TRIOBP: variants seen among roughly 807,000 people sequenced by gnomAD.
The protein encoded by TRIOBP is TRIO and F-actin binding protein, also known as TRIO and F-actin-binding protein.
In TRIOBP, 169 loss-of-function variants were observed where a neutral mutation model predicts 238.8. The ratio of observed to expected loss-of-function variants is 0.71; its 90% CI spans 0.62 to 0.80. The LOEUF is 0.80. Ranked by LOEUF, TRIOBP falls within the 30% of genes least tolerant of loss-of-function variation. The probability of loss-of-function intolerance (pLI) is 0.00; values close to 1 mark genes in which losing one functional copy is unlikely to be tolerated. For missense variants in TRIOBP, 2,838 were observed against 3,122.6 expected (o/e 0.91, Z 2.17); for synonymous variants, 1,150 against 1,274.4 (o/e 0.90, Z 2.08).
rs570647094 is a variant in TRIOBP at position 37,727,071 on chromosome 22, T to A, written c.3947+568T>A. Among the ~76,000 whole-genome samples, 3 of 151,820 alleles carry A rather than the reference T, an allele frequency of 2.0e-5. No individual in the cohort carries two copies. The South Asian group carries it at 6.3e-4, about 32-fold the overall frequency. On this transcript the variant is annotated intron_variant, in intron 7 of 23. Transcript: ENST00000644935. ...ACAGGCACGTGCCACCACACCCGGC[T>A]AATTTTTTTGTATTTTTACTAGAGA...
At chr22:37,740,546 T>C (rs777153167) in intron 10 of TRIOBP, among the ~76,000 whole-genome samples, 3 of 152,072 alleles carry the variant, frequency 2.0e-5, no homozygotes, top group Non-Finnish European at 2.9e-5. Context: ...ACTGGAGATA[T>C]GTATTTATAT....
At position 37,723,907 on chromosome 22, in the gene TRIOBP, C is replaced by G. The variant is rs55898501; in HGVS notation, c.1351C>G (p.Pro451Ala). 6.6e-7 allele frequency: 1 copy of G among 1,506,500 alleles called. No individual in the cohort carries two copies. The highest frequency in any genetic ancestry group is 1.5e-5 in the African/African-American group (1 of 65,914). The allele number at this position is 1,506,500 out of a possible 1,614,324, so 93.3% of individuals were successfully genotyped here. Reference protein sequence around the residue: ...SSPSRATRDNPTTSCAQRDNP... With the variant: ...SSPSRATRDNATTSCAQRDNP... ...TCCCAGTAGAGCTACACGAGACAAC[C>G]CCACAACATCCTGTGCCCAGCGGGA... Residue 451 changes from proline (P) to alanine (A), a missense_variant, in exon 7 of 24, where the codon CCC (proline) becomes GCC (alanine). Transcript: ENST00000644935.
intron 5 of TRIOBP, among the ~76,000 whole-genome samples, chr22:37,713,976 G>C (rs540709933): frequency 6.6e-6 from 1 of 152,204 alleles, no homozygotes; most frequent in Non-Finnish European, 1.5e-5. Context: ...ATGACAGGGG[G>C]TGGTGATAAG....
chr22:37,766,191 G>A lies in TRIOBP; in HGVS notation c.6472+374G>A, dbSNP rs1255261493. Among the ~76,000 whole-genome samples, 39 of 152,210 alleles carry A rather than the reference G, an allele frequency of 2.6e-4. 1 individual carries two copies. Among genetic ancestry groups the A allele is most frequent in the Admixed American group, 2.6e-3 (39 of 15,284 alleles). On this transcript the variant is annotated intron_variant, in intron 18 of 23. Coordinates refer to ENST00000644935, the MANE Select transcript of TRIOBP (RefSeq NM_001039141.3). ...GGAGTGCCTCCTCCCTGGGCACATG[G>A]GCCAGACCCTGGGGAGAGCAGGGGA...
intron 7 of TRIOBP, among the ~76,000 whole-genome samples, chr22:37,729,361 G>A (rs541536967): frequency 1.2e-4 from 19 of 152,058 alleles, no homozygotes; most frequent in African/African-American, 3.1e-4. Flanking sequence ...GACTACAGGC[G>A]TGTACCACTA....
chr22:37,738,812 C>T (rs1213708627), intron 10 of TRIOBP, 93 bp downstream of exon 10: 2 of 1,352,936 alleles, frequency 1.5e-6, no homozygotes, highest in Admixed American at 1.9e-5. Context: ...GCCCTAGAAT[C>T]AACCAGACCA....
chr22:37,734,250 G>C lies in TRIOBP; in HGVS notation c.4063-149G>C, dbSNP rs1924552717. The C allele has an allele frequency of 1.2e-5, 9 of 738,404 alleles. No individual in the cohort carries two copies. In the South Asian group the frequency reaches 1.4e-4, roughly 11 times the overall value. The allele number at this position is 738,404 out of a possible 1,614,324, so 45.7% of individuals were successfully genotyped here. ...AGGGAGGAGCTGACCCCGGAGGGGT[G>C]GGGCAGAGACCCTGTGTACTTTTTG... On this transcript the variant is annotated intron_variant, in intron 8 of 23. Transcript: ENST00000644935.
At chr22:37,712,700 T>G (rs1923312307) in intron 4 of TRIOBP, among the ~76,000 whole-genome samples, 1 of 151,610 alleles carries the variant, frequency 6.6e-6, no homozygotes, top group African/African-American at 2.4e-5. Context: ...CTCACGCCTG[T>G]AATCCCAGCA....
intron 6 of TRIOBP, among the ~76,000 whole-genome samples, chr22:37,720,000 CTTTTTTT>C (rs869261824): frequency 0.03 from 1,612 of 54,364 alleles, 26 homozygotes; most frequent in South Asian, 0.035. Context: ...CCCCCCCGCC[CTTTTTTT>C]TTTTTTTTTT....
Position 37,702,808 on chromosome 22 carries a change from G to T in TRIOBP, c.114+1329G>T, listed in dbSNP as rs895776900. Among the ~76,000 whole-genome samples, 11 of 151,356 alleles carry T rather than the reference G, an allele frequency of 7.3e-5. No individual in the cohort carries two copies. In the South Asian group the frequency reaches 1.7e-3, roughly 23 times the overall value. On this transcript the variant is annotated intron_variant, in intron 3 of 23. Coordinates refer to ENST00000644935, the MANE Select transcript of TRIOBP (RefSeq NM_001039141.3). ...GGGACTACAGGCACATGCCACCATGGCCAGCTAATTTTCTTGTAAAGATGG... is the reference window on the plus strand; with the variant it reads ...GGGACTACAGGCACATGCCACCATGTCCAGCTAATTTTCTTGTAAAGATGG...
chr22:37,772,132 C>T (rs1157108244), intron 22 of TRIOBP, among the ~76,000 whole-genome samples: 1 of 152,140 alleles, frequency 6.6e-6, no homozygotes, highest in Non-Finnish European at 1.5e-5. Flanking sequence ...AGGGTTCAGC[C>T]CAGGTCTGAG....
At chr22:37,739,609 C>T (rs1924840810) in intron 10 of TRIOBP, among the ~76,000 whole-genome samples, 1 of 152,186 alleles carries the variant, frequency 6.6e-6, no homozygotes, top group South Asian at 2.1e-4. Flanking sequence ...TCTCTCTGCA[C>T]CTCCACCTGG....
Position 37,758,182 on chromosome 22 carries a change from G to A in TRIOBP, c.6213+44G>A, listed in dbSNP as rs117092971. ...TCTCTAGGAGGCCCCTTGCCCCAGC[G>A]CCCCTCCAGTCCCTGCATTCATGCC... is the stretch of plus-strand genomic sequence containing the variant. On this transcript the variant is annotated intron_variant, in intron 16 of 23. Transcript: ENST00000644935. 4,459 of 1,605,056 alleles carry A rather than the reference G, an allele frequency of 2.8e-3. 18 individuals are homozygous for A. The highest frequency in any genetic ancestry group is 2.6e-3 in the Non-Finnish European group (3,061 of 1,177,604).
intron 9 of TRIOBP, among the ~76,000 whole-genome samples, chr22:37,736,880 G>A (rs1601641143): frequency 6.6e-6 from 1 of 152,174 alleles, no homozygotes; most frequent in East Asian, 1.9e-4. Flanking sequence ...ATCCACCTTG[G>A]CCTCCCAAAG....
intron 6 of TRIOBP, among the ~76,000 whole-genome samples, chr22:37,719,094 T>G (rs1923690913): frequency 6.7e-6 from 1 of 149,746 alleles, no homozygotes; most frequent in Non-Finnish European, 1.5e-5. Flanking sequence ...TCCCAGTTAC[T>G]CGGGATGCTG....
At chr22:37,770,266 T>C (rs1391557356) in intron 21 of TRIOBP, among the ~76,000 whole-genome samples, 1 of 147,748 alleles carries the variant, frequency 6.8e-6, no homozygotes, top group Non-Finnish European at 1.5e-5. Context: ...TGAAACCCCG[T>C]CTCTACTAAA....
intron 4 of TRIOBP, 22 bp downstream of exon 4, chr22:37,710,588 A>G (rs1923185991): frequency 6.2e-7 from 1 of 1,603,452 alleles, no homozygotes; most frequent in South Asian, 1.1e-5. Flanking sequence ...CCCAGGGCCC[A>G]GGAAGGGCTT....
In TRIOBP at chr22:37,755,200, T is replaced by A; in HGVS notation, c.5577+10T>A. 6.2e-7 allele frequency: 1 copy of A among 1,608,540 alleles called. No homozygotes were observed. Among genetic ancestry groups the A allele is most frequent in the African/African-American group, 1.3e-5 (1 of 74,838 alleles). ...TGGCTTCCAGATCCACGTGAGGCTG[T>A]GTGCAGCTTGGGGGCTGGTGGTGGG... On this transcript the variant is annotated intron_variant, in intron 14 of 23. Coordinates refer to ENST00000644935, the MANE Select transcript of TRIOBP (RefSeq NM_001039141.3).
chr22:37,769,342 G>A lies in TRIOBP; in HGVS notation c.6816G>A (p.Gly2272=), dbSNP rs1372099830. The change falls in exon 21 of 24, where the codon GGG becomes GGA. Residue 2272 remains glycine (G), a synonymous_variant. Transcript: ENST00000644935. ...CGCAGGGCATGGGCAATGGCTGCGG[G>A]CGCAGCAACGAGCGGAGTTCCTGCG... The part of the protein sequence containing the change: ...IASQGMGNGC[G]RSNERSSCEL... 1 of 1,610,322 alleles carries A rather than the reference G, an allele frequency of 6.2e-7. No homozygotes were observed.
Sources: gnomAD v4.1 joint callset for allele counts (sites outside exome capture counted in the v4.1 genomes callset) on GRCh38, gnomAD v4.1.1 for gene constraint, MANE v1.5 for transcripts, NCBI Gene and HGNC (gene_info 2026-07-23, HGNC 2026-07-21) for gene names.